Variants in RNF150 observed in about 807,000 individuals in gnomAD.
RNF150 encodes the protein ring finger protein 150.
In RNF150, 24 loss-of-function variants were observed where a neutral mutation model predicts 39.3. The observed-to-expected ratio is 0.61, with a 90% CI of 0.44 to 0.86. The LOEUF is 0.86. Among genes scored for constraint, RNF150 ranks in the 40% least tolerant of loss-of-function variants. RNF150 has a pLI of 0.00. For missense variants in RNF150, 502 were observed against 587.8 expected (o/e 0.85, Z 1.51); for synonymous variants, 255 against 227.3 (o/e 1.12, Z -1.10).
At chr4:141,048,201 G>T (rs1178005754) in intron 1 of RNF150, among the ~76,000 whole-genome samples, 1 of 152,206 alleles carries the variant, frequency 6.6e-6, no homozygotes, top group Non-Finnish European at 1.5e-5. Flanking sequence ...AATACTGTTT[G>T]CTGTAACATG....
At chr4:141,107,767 C>A (rs1333791832) in intron 1 of RNF150, among the ~76,000 whole-genome samples, 2 of 152,054 alleles carry the variant, frequency 1.3e-5, no homozygotes, top group East Asian at 1.9e-4. Context: ...TAGAAAAGAG[C>A]AAACCATTTT....
Position 140,868,003 on chromosome 4 carries a change from T to C in RNF150, c.*258A>G. 2.7e-6 allele frequency: 1 copy of C among 376,848 alleles called. No individual in the cohort carries two copies. The highest frequency in any genetic ancestry group is 4.7e-6 in the Non-Finnish European group (1 of 211,408). The allele number at this position is 376,848 out of a possible 1,614,324, so 23.3% of individuals were successfully genotyped here. A position where few individuals can be genotyped will look rare whatever the true frequency, so the allele number is the denominator to read the frequency against. On this transcript the variant is annotated 3_prime_UTR_variant, in exon 7 of 7. Transcript: ENST00000515673. ...CTCTGTTTTAGGAGCTTCTGAAGTGTATGTCTACATGGACATAGGAGTGGA... is the reference window on the plus strand; with the variant it reads ...CTCTGTTTTAGGAGCTTCTGAAGTGCATGTCTACATGGACATAGGAGTGGA...
Position 140,861,195 on chromosome 4 carries a change from T to C in RNF150, c.*7066A>G, listed in dbSNP as rs189834935. ...CCATTTACATTCATATGAAGTCTTT[T>C]TATTGATCTTCCTTTGCAATTTCAC... On this transcript the variant is annotated 3_prime_UTR_variant, in exon 7 of 7. Coordinates refer to ENST00000515673, the MANE Select transcript of RNF150 (RefSeq NM_020724.2). 3.9e-5 allele frequency: 6 copies of C among 152,332 alleles called. No homozygotes were observed. Among genetic ancestry groups the C allele is most frequent in the Non-Finnish European group, 7.3e-5 (5 of 68,028 alleles). The allele number at this position is 152,332 out of a possible 1,614,324, so 9.4% of individuals were successfully genotyped here. A position where few individuals can be genotyped will look rare whatever the true frequency, so the allele number is the denominator to read the frequency against.
At chr4:141,034,018 G>A (rs893100009) in intron 1 of RNF150, among the ~76,000 whole-genome samples, 8 of 152,156 alleles carry the variant, frequency 5.3e-5, no homozygotes, top group Non-Finnish European at 1.5e-5. Flanking sequence ...GAGTCAGCCT[G>A]TCCTTTCAAT....
intron 1 of RNF150, among the ~76,000 whole-genome samples, chr4:141,064,022 C>A (rs1737354832): frequency 6.8e-6 from 1 of 147,262 alleles, no homozygotes; most frequent in African/African-American, 2.5e-5. Flanking sequence ...CTGATGGCTT[C>A]ATAAACAGAT....
intron 2 of RNF150, among the ~76,000 whole-genome samples, chr4:140,953,667 A>G (rs1250189875): frequency 6.6e-6 from 1 of 152,182 alleles, no homozygotes; most frequent in Non-Finnish European, 1.5e-5. Flanking sequence ...AAAATTACAC[A>G]CATGCAGAGA....
chr4:140,998,729 G>A (rs17340802), intron 1 of RNF150, among the ~76,000 whole-genome samples: 22,579 of 152,114 alleles, frequency 0.15, 1,868 homozygotes, highest in Middle Eastern at 0.24. Context: ...CAGGGTCCTA[G>A]TTCCTGCAAA....
At chr4:141,155,148 C>T (rs532334695) in intron 1 of RNF150, among the ~76,000 whole-genome samples, 18 of 152,138 alleles carry the variant, frequency 1.2e-4, no homozygotes, top group Middle Eastern at 3.4e-3. Flanking sequence ...TGCAGTGGCG[C>T]GATCTTGGCT....
At chr4:141,108,776 A>C (rs771283811) in intron 1 of RNF150, among the ~76,000 whole-genome samples, 1 of 152,240 alleles carries the variant, frequency 6.6e-6, no homozygotes, top group Non-Finnish European at 1.5e-5. Context: ...TTGCATTTAC[A>C]TAATAAGCTA....
chr4:141,084,314 G>C (rs1383689737), intron 1 of RNF150, among the ~76,000 whole-genome samples: 1 of 152,106 alleles, frequency 6.6e-6, no homozygotes, highest in African/African-American at 2.4e-5. Context: ...TCTGAAAGAT[G>C]ACGAATATAT....
rs771558151 is a variant in RNF150 at position 140,911,316 on chromosome 4, G to A, written c.1026C>T (p.Phe342=). The change falls in exon 6 of 7, where the codon TTC becomes TTT. Residue 342 remains phenylalanine, a synonymous_variant. Coordinates refer to ENST00000515673, the MANE Select transcript of RNF150 (RefSeq NM_020724.2). ...ADCMDDLPTD[F]EGSLGGPPTN... is the part of the protein sequence containing the mutation. ...TGGGTGGACCTCCCAGAGAGCCCTC[G>A]AAGTCAGTGGGCAAGTCGTCCATGC... 13 of 1,613,996 alleles carry A rather than the reference G, an allele frequency of 8.1e-6. No homozygotes were observed. The highest frequency in any genetic ancestry group is 5.3e-5 in the African/African-American group (4 of 74,932).
At chr4:141,101,824 C>T (rs1004303086) in intron 1 of RNF150, among the ~76,000 whole-genome samples, 103 of 152,178 alleles carry the variant, frequency 6.8e-4, no homozygotes, top group African/African-American at 2.3e-3. Context: ...CTCTGTTGCC[C>T]GGGCTGGAGT....
At chr4:141,111,191 T>A (rs148625885) in intron 1 of RNF150, among the ~76,000 whole-genome samples, 1 of 152,220 alleles carries the variant, frequency 6.6e-6, no homozygotes, top group Non-Finnish European at 1.5e-5. Flanking sequence ...ATCTTTCACA[T>A]AGAACAGCTA....
chr4:141,011,335 T>C (rs73849455), intron 1 of RNF150, among the ~76,000 whole-genome samples: 11,544 of 152,226 alleles, frequency 0.076, 494 homozygotes, highest in Middle Eastern at 0.16. Flanking sequence ...TGGTCACTGA[T>C]GAAGCTTCAC....
intron 1 of RNF150, among the ~76,000 whole-genome samples, chr4:141,193,029 C>T (rs1022663644): frequency 2.0e-5 from 3 of 152,180 alleles, no homozygotes; most frequent in African/African-American, 7.2e-5. Flanking sequence ...ACTCCATTTC[C>T]TTCTGGTCTG....
At chr4:140,973,724 A>G (rs550729473) in intron 1 of RNF150, among the ~76,000 whole-genome samples, 46 of 152,088 alleles carry the variant, frequency 3.0e-4, no homozygotes, top group African/African-American at 1.1e-3. Context: ...TAAAAATACA[A>G]AAATTAGACG....
intron 1 of RNF150, among the ~76,000 whole-genome samples, chr4:141,060,330 A>G (rs1737164706): frequency 6.6e-6 from 1 of 152,098 alleles, no homozygotes; most frequent in Non-Finnish European, 1.5e-5. Context: ...AGTCCCAGAT[A>G]CTTGGGAAGT....
intron 1 of RNF150, among the ~76,000 whole-genome samples, chr4:141,126,660 G>C (rs1222732165): frequency 6.6e-6 from 1 of 152,110 alleles, no homozygotes; most frequent in Non-Finnish European, 1.5e-5. Flanking sequence ...CTCACCTCCA[G>C]GTACTCTTTC....
chr4:141,186,443 G>A (rs1252479330), intron 1 of RNF150, among the ~76,000 whole-genome samples: 2 of 152,072 alleles, frequency 1.3e-5, no homozygotes, highest in African/African-American at 4.8e-5. Context: ...CCTTTGCCCA[G>A]GCTGGAGTGC....
Sources: allele counts gnomAD v4.1 joint callset (sites outside exome capture counted in the v4.1 genomes callset), GRCh38; gene constraint gnomAD v4.1.1; transcripts MANE v1.5; gene names NCBI Gene and HGNC (gene_info 2026-07-23, HGNC 2026-07-21).